RP2: variants seen among roughly 807,000 people sequenced by gnomAD.
The protein encoded by RP2 is RP2 activator of ARL3 GTPase.
A neutral mutation model predicts 20.3 loss-of-function variants in RP2; 3 were observed. The observed-to-expected ratio is 0.15, with a 90% CI of 0.07 to 0.38. RP2 has a LOEUF of 0.38. RP2 is among the 10% of genes least tolerant of loss of function. RP2 has a pLI of 1.00. For missense variants in RP2, 233 were observed against 268.5 expected (o/e 0.87, Z 0.92); for synonymous variants, 75 against 94.8 (o/e 0.79, Z 1.22).
At chrX:46,858,198 C>T (rs1393436895) in intron 2 of RP2, among the ~76,000 whole-genome samples, 7 of 111,295 alleles carry the variant, frequency 6.3e-5, no homozygotes, top group African/African-American at 2.3e-4. Context: ...AACAGGCATG[C>T]TTATTCTTAG....
intron 1 of RP2, among the ~76,000 whole-genome samples, chrX:46,847,929 CATATATATATATATATAT>C (rs10533014): frequency 1.2e-5 from 1 of 82,382 alleles, no homozygotes; most frequent in Non-Finnish European, 2.3e-5. Flanking sequence ...TGTGTATATA[CATATATATATATATATAT>C]ATATATATAT....
rs141852407 is a variant in RP2, at chrX:46,854,027, A to C, written c.654A>C (p.Arg218Ser). 93 of 1,210,269 alleles carry C rather than the reference A, an allele frequency of 7.7e-5. No homozygotes were observed. Among genetic ancestry groups the C allele is most frequent in the Non-Finnish European group, 9.9e-5 (89 of 895,272 alleles). ...TTCGTGTTTCCACAGAAGCCAATAG[A>C]AGCATTGTTCCAATATCCCGGGGTC... ...KAVRVSTEAN[R>S]SIVPISRGQR... Residue 218 changes from arginine (R) to serine (S), a missense_variant, in exon 2 of 5, where the codon AGA (arginine) becomes AGC (serine). By Grantham distance (110) the Arg-to-Ser change is moderately radical (BLOSUM62 -1). Coordinates refer to ENST00000218340, the MANE Select transcript of RP2 (RefSeq NM_006915.3).
chrX:46,847,709 TAC>T (rs1194008493), intron 1 of RP2, among the ~76,000 whole-genome samples: 1 of 77,923 alleles, frequency 1.3e-5, no homozygotes, highest in Admixed American at 1.5e-4. Context: ...TGTGTATATA[TAC>T]ACACATATAT....
chrX:46,872,236 C>T (rs1925304766), intron 3 of RP2, among the ~76,000 whole-genome samples: 2 of 112,177 alleles, frequency 1.8e-5, no homozygotes, highest in Admixed American at 1.9e-4. Flanking sequence ...TTTCTTGTAG[C>T]TTATCAAGGC....
rs192432717 is a variant in RP2, at chrX:46,839,755, T to A, written c.102+2553T>A. 1.6e-3 allele frequency among the ~76,000 whole-genome samples: 176 copies of A among 110,702 alleles called. 2 individuals are homozygous for A. The highest frequency in any genetic ancestry group is 5.6e-3 in the African/African-American group (172 of 30,525). On this transcript the variant is annotated intron_variant, in intron 1 of 4. Transcript: ENST00000218340. ...CCCAGAGAACATAAATGAGATATGA[T>A]GCATGCATATTAATAGAAATGATTT...
In RP2 at chrX:46,853,577, G is replaced by A. The variant is rs2147081195; in HGVS notation, c.204G>A (p.Glu68=). The A allele has an allele frequency of 1.7e-6, 2 of 1,210,493 alleles. No individual in the cohort carries two copies. The highest frequency in any genetic ancestry group is 3.0e-5 in the East Asian group (1 of 33,836). Reference sequence around the variant, plus strand: ...AACAGTTTCTCATTCAAGACTGTGAGAACTGTAACATCTATATTTTTGATC... The same window carrying A: ...AACAGTTTCTCATTCAAGACTGTGAAAACTGTAACATCTATATTTTTGATC... ...AGQQFLIQDC[E]NCNIYIFDHS... Residue 68 remains glutamate (E), a synonymous_variant, in exon 2 of 5, where the codon GAG becomes GAA. Coordinates refer to ENST00000218340, the MANE Select transcript of RP2 (RefSeq NM_006915.3).
At chrX:46,850,556 T>C (rs1556317915) in intron 1 of RP2, among the ~76,000 whole-genome samples, 1 of 112,186 alleles carries the variant, frequency 8.9e-6, no homozygotes, top group East Asian at 2.8e-4. Context: ...TCTGATAGCA[T>C]GTGTAACACC....
At chrX:46,867,625 CTCTT>C (rs1925198820) in intron 3 of RP2, among the ~76,000 whole-genome samples, 1 of 111,212 alleles carries the variant, frequency 9.0e-6, no homozygotes, top group Non-Finnish European at 1.9e-5. Flanking sequence ...CATTTACATT[CTCTT>C]TTTTTCTCCA....
At chrX:46,847,743 TATGTGTGTGTGTATATACACAC>T (rs1414715929) in intron 1 of RP2, among the ~76,000 whole-genome samples, 1,820 of 87,095 alleles carry the variant, frequency 0.021, 23 homozygotes, top group Middle Eastern at 0.052. Context: ...TATACACACA[TATGTGTGTGTGTATATACACAC>T]ATGTGTGTGT....
At position 46,855,883 on chromosome X, in the gene RP2, C is replaced by T. The variant is rs1466800527; in HGVS notation, c.768+1742C>T. ...AATACCTCTCAATAGCTATATATTC[C>T]ACAATGTAGAAAACCCATGTAGAAA... On this transcript the variant is annotated intron_variant, in intron 2 of 4. Coordinates refer to ENST00000218340, the MANE Select transcript of RP2 (RefSeq NM_006915.3). Among the ~76,000 whole-genome samples the T allele has an allele frequency of 1.3e-4, 15 of 111,177 alleles. No individual in the cohort carries two copies. The Admixed American group carries it at 1.4e-3, about 11-fold the overall frequency.
Position 46,853,797 on chromosome X carries a change from A to C in RP2, c.424A>C (p.Asn142His). The change falls in exon 2 of 5, where the codon AAT (asparagine) becomes CAT (histidine). Residue 142 changes from asparagine (N) to histidine (H), a missense_variant. Around this residue, in one of 3 missense-constraint regions of RP2, gnomAD observed 38 missense variants for 72.9 expected, o/e 0.52. Coordinates refer to ENST00000218340, the MANE Select transcript of RP2 (RefSeq NM_006915.3). ...ATQPIIESSS[N>H]IKFGCFQWYY... Reference sequence around the variant, plus strand: ...TCAACCCATCATTGAGTCTTCCTCAAATATCAAATTTGGATGTTTTCAATG... The same window carrying C: ...TCAACCCATCATTGAGTCTTCCTCACATATCAAATTTGGATGTTTTCAATG... 8.3e-7 allele frequency: 1 copy of C among 1,211,879 alleles called. No individual in the cohort carries two copies. Among genetic ancestry groups the C allele is most frequent in the Non-Finnish European group, 1.1e-6 (1 of 895,505 alleles).
intron 2 of RP2, among the ~76,000 whole-genome samples, chrX:46,858,850 GAA>G (rs1925014468): frequency 1.8e-5 from 2 of 111,639 alleles, no homozygotes; most frequent in African/African-American, 6.5e-5. Flanking sequence ...ATAGAAATAA[GAA>G]AGAGTAAAAT....
At chrX:46,877,699 T>A in intron 4 of RP2, 109 bp downstream of exon 4, 1 of 476,047 alleles carries the variant, frequency 2.1e-6, no homozygotes. Flanking sequence ...CTTGGAATTT[T>A]TGGGGTGTGT....
chrX:46,879,211 C>A (rs1556328279), intron 4 of RP2, among the ~76,000 whole-genome samples: 2 of 108,730 alleles, frequency 1.8e-5, no homozygotes, highest in East Asian at 2.8e-4. Flanking sequence ...TGCACTCCAG[C>A]CTGGGCAACA....
At chrX:46,879,062 TAAAAAAAAAAAAAA>T (rs35579507) in intron 4 of RP2, among the ~76,000 whole-genome samples, 2 of 33,049 alleles carry the variant, frequency 6.1e-5, no homozygotes, top group African/African-American at 1.6e-4. Flanking sequence ...CTACAAAAAG[TAAAAAAAAAAAAAA>T]AAAAAAAAAA....
intron 1 of RP2, among the ~76,000 whole-genome samples, chrX:46,848,349 A>G (rs1556317391): frequency 9.3e-6 from 1 of 108,066 alleles, no homozygotes; most frequent in African/African-American, 3.4e-5. Context: ...TTAAATTGAT[A>G]TCAGACGAAT....
chrX:46,837,234 C>T (rs1009933257), intron 1 of RP2, 32 bp downstream of exon 1: 10 of 1,137,562 alleles, frequency 8.8e-6, no homozygotes, highest in Non-Finnish European at 1.1e-5. Context: ...CCGTCTCAGC[C>T]TCCCTGAGCC....
intron 3 of RP2, among the ~76,000 whole-genome samples, chrX:46,872,770 C>T (rs1468017804): frequency 9.0e-6 from 1 of 111,681 alleles, no homozygotes; most frequent in Non-Finnish European, 1.9e-5. Context: ...CAGGATCTCA[C>T]TTTGATGCCC....
At chrX:46,847,776 G>GTGTATATA (rs1556316807) in intron 1 of RP2, among the ~76,000 whole-genome samples, 1 of 74,620 alleles carries the variant, frequency 1.3e-5, no homozygotes, top group African/African-American at 7.1e-5. Flanking sequence ...ATGTGTGTGT[G>GTGTATATA]TACATACACA....
Sources: allele counts gnomAD v4.1 joint callset (sites outside exome capture counted in the v4.1 genomes callset), GRCh38; gene constraint gnomAD v4.1.1; regional missense constraint gnomAD v4.1.1; transcripts MANE v1.5; gene names NCBI Gene and HGNC (gene_info 2026-07-23, HGNC 2026-07-21).